WWOX: variants seen among roughly 807,000 people sequenced by gnomAD.
WWOX encodes WW domain-containing oxidoreductase.
WWOX carries 69 observed loss-of-function variants against 46.2 expected under a neutral mutation model. The ratio of observed to expected loss-of-function variants is 1.49; its 90% CI spans 1.23 to 1.82. The LOEUF is 1.82. WWOX is among the 40% of genes most tolerant of loss of function. The pLI is 0.00. For missense variants in WWOX, 919 were observed against 542.6 expected (o/e 1.69, Z -6.89); for synonymous variants, 359 against 202.6 (o/e 1.77, Z -6.56).
intron 8 of WWOX, among the ~76,000 whole-genome samples, chr16:78,586,430 A>T (rs1318591668): frequency 6.6e-6 from 1 of 151,946 alleles, no homozygotes; most frequent in East Asian, 1.9e-4. Flanking sequence ...CTTCTCCTTT[A>T]GTTTTGTTTT....
chr16:78,365,439 A>T (rs1391392043), intron 5 of WWOX, among the ~76,000 whole-genome samples: 1 of 152,238 alleles, frequency 6.6e-6, no homozygotes, highest in Non-Finnish European at 1.5e-5. Context: ...AGAGCATCCC[A>T]CCAATAAACT....
chr16:78,836,034 A>G (rs1468730915), intron 8 of WWOX, among the ~76,000 whole-genome samples: 1 of 152,246 alleles, frequency 6.6e-6, no homozygotes, highest in Non-Finnish European at 1.5e-5. Flanking sequence ...CAAAATACAT[A>G]GTGACATGAA....
chr16:78,948,126 T>C (rs2045984455), intron 8 of WWOX, among the ~76,000 whole-genome samples: 1 of 152,208 alleles, frequency 6.6e-6, no homozygotes, highest in Non-Finnish European at 1.5e-5. Flanking sequence ...ACTCAGCCTC[T>C]GTGAACCTTA....
chr16:79,063,626 A>G (rs936851423), intron 8 of WWOX, among the ~76,000 whole-genome samples: 4 of 152,234 alleles, frequency 2.6e-5, no homozygotes, highest in African/African-American at 9.6e-5. Context: ...AGCCATCACT[A>G]GAAACACTGA....
At chr16:78,423,296 A>T (rs1424664532) in intron 6 of WWOX, among the ~76,000 whole-genome samples, 1 of 152,118 alleles carries the variant, frequency 6.6e-6, no homozygotes, top group Admixed American at 6.5e-5. Flanking sequence ...TATAACATAA[A>T]TGTTTTATAA....
chr16:79,029,359 G>C (rs1862840), intron 8 of WWOX, among the ~76,000 whole-genome samples: 80,156 of 152,102 alleles, frequency 0.53, 21,526 homozygotes, highest in East Asian at 0.81. Context: ...CTACATGCCT[G>C]TTAATTTCCT....
chr16:78,146,451 C>T (rs1241421818), intron 4 of WWOX, among the ~76,000 whole-genome samples: 1 of 152,184 alleles, frequency 6.6e-6, no homozygotes, highest in African/African-American at 2.4e-5. Context: ...GCTGTCGAGT[C>T]TCCAGAAGTC....
intron 8 of WWOX, among the ~76,000 whole-genome samples, chr16:78,667,023 G>C (rs77441769): frequency 0.013 from 1,937 of 152,250 alleles, 21 homozygotes; most frequent in South Asian, 0.036. Flanking sequence ...AAACCCAACT[G>C]CTGGCTGAAT....
intron 8 of WWOX, among the ~76,000 whole-genome samples, chr16:78,972,873 C>G (rs976467264): frequency 6.6e-6 from 1 of 152,210 alleles, no homozygotes; most frequent in Non-Finnish European, 1.5e-5. Flanking sequence ...ACACGTCTCC[C>G]CGCCTTGTAA....
intron 1 of WWOX, among the ~76,000 whole-genome samples, chr16:78,101,724 C>A (rs930326944): frequency 9.2e-5 from 14 of 152,336 alleles, no homozygotes; most frequent in African/African-American, 3.1e-4. Flanking sequence ...TGAACCACTG[C>A]TGCCTTTGGT....
intron 8 of WWOX, among the ~76,000 whole-genome samples, chr16:78,729,141 G>A (rs1041174383): frequency 1.3e-5 from 2 of 151,904 alleles, no homozygotes; most frequent in Non-Finnish European, 2.9e-5. Flanking sequence ...TCAGGAATTC[G>A]AGACCAGCCT....
intron 5 of WWOX, among the ~76,000 whole-genome samples, chr16:78,333,970 C>T (rs181880934): frequency 4.5e-4 from 68 of 152,286 alleles, no homozygotes; most frequent in African/African-American, 1.6e-3. Flanking sequence ...GTAAATATTT[C>T]ATGTACTTTG....
chr16:78,827,993 G>C (rs2051710772), intron 8 of WWOX, among the ~76,000 whole-genome samples: 2 of 152,190 alleles, frequency 1.3e-5, no homozygotes, highest in South Asian at 4.1e-4. Flanking sequence ...AAATTGTCAG[G>C]TTATGAAGGG....
intron 8 of WWOX, among the ~76,000 whole-genome samples, chr16:78,713,777 T>G (rs1271620577): frequency 6.6e-6 from 1 of 152,160 alleles, no homozygotes; most frequent in Non-Finnish European, 1.5e-5. Flanking sequence ...TTCTGTTGTT[T>G]AAGCCACCTA....
chr16:78,385,152 C>CACACACACACACACACACAG (rs2082035590), intron 5 of WWOX, among the ~76,000 whole-genome samples: 2 of 151,774 alleles, frequency 1.3e-5, no homozygotes, highest in South Asian at 4.2e-4. Flanking sequence ...CACACACACA[C>CACACACACACACACACACAG]ACACACACAA....
At chr16:78,410,567 T>A (rs991239264) in intron 6 of WWOX, among the ~76,000 whole-genome samples, 3 of 152,012 alleles carry the variant, frequency 2.0e-5, no homozygotes, top group Non-Finnish European at 4.4e-5. Flanking sequence ...CACAGCACTT[T>A]GGGAGGTCGA....
chr16:78,216,112 C>A (rs148348204), intron 5 of WWOX, among the ~76,000 whole-genome samples: 2 of 152,126 alleles, frequency 1.3e-5, no homozygotes, highest in Non-Finnish European at 2.9e-5. Context: ...AGCATGGGCC[C>A]TGTGTGGACC....
At chr16:78,566,625 CTG>C (rs2044575468) in intron 8 of WWOX, among the ~76,000 whole-genome samples, 3 of 152,198 alleles carry the variant, frequency 2.0e-5, no homozygotes, top group Admixed American at 2.0e-4. Flanking sequence ...CCTCCCAAGA[CTG>C]TGCAGAGCTT....
chr16:78,467,031 T>G (rs1339217062), intron 8 of WWOX, among the ~76,000 whole-genome samples: 1 of 152,184 alleles, frequency 6.6e-6, no homozygotes, highest in African/African-American at 2.4e-5. Flanking sequence ...TAAACGTACC[T>G]TATCTCTTGA....
Sources: gnomAD v4.1 joint callset for allele counts (sites outside exome capture counted in the v4.1 genomes callset) on GRCh38, gnomAD v4.1.1 for gene constraint, MANE v1.5 for transcripts, NCBI Gene and HGNC (gene_info 2026-07-23, HGNC 2026-07-21) for gene names.